PSMA2: variants seen among roughly 807,000 people sequenced by gnomAD.
PSMA2 encodes proteasome subunit alpha type-2.
Under a neutral mutation model 35.9 loss-of-function variants are expected in PSMA2, and 2 were observed. The ratio of observed to expected loss-of-function variants is 0.06; its 90% CI spans 0.02 to 0.18. The LOEUF (loss-of-function observed/expected upper bound fraction) is 0.18. Ranked by LOEUF, PSMA2 falls within the 10% of genes least tolerant of loss-of-function variation. The pLI, the probability that PSMA2 is intolerant of heterozygous loss-of-function variation, is 1.00. For synonymous variants in PSMA2, 97 were observed against 98.2 expected (o/e 0.99, Z 0.07); for missense variants, 126 against 278.8 (o/e 0.45, Z 3.90).
intron 1 of PSMA2, among the ~76,000 whole-genome samples, chr7:42,929,060 C>G (rs956301367): frequency 1.9e-4 from 29 of 152,032 alleles, no homozygotes; most frequent in Admixed American, 6.6e-5. Context: ...AATCCTCCTG[C>G]CTCGGTCTCT....
At chr7:42,922,492 A>G (rs1786141865) in intron 5 of PSMA2, among the ~76,000 whole-genome samples, 1 of 151,724 alleles carries the variant, frequency 6.6e-6, no homozygotes, top group Admixed American at 6.6e-5. Context: ...AGAGGAAAAT[A>G]GGACAAAAGA....
intron 6 of PSMA2, chr7:42,918,863 G>A (rs1052793023): frequency 7.2e-5 from 12 of 165,526 alleles, no homozygotes; most frequent in African/African-American, 1.9e-4. Context: ...TTGCTCTGTC[G>A]CCCAGGCTGG....
intron 2 of PSMA2, among the ~76,000 whole-genome samples, 195 bp from the exon 3 acceptor site, chr7:42,926,863 C>T (rs1330431510): frequency 6.6e-6 from 1 of 152,152 alleles, no homozygotes; most frequent in Non-Finnish European, 1.5e-5. Flanking sequence ...TTTAGTACTA[C>T]ACAAAAAAAT....
At chr7:42,920,135 G>A (rs1028919101) in intron 6 of PSMA2, 9 of 402,696 alleles carry the variant, frequency 2.2e-5, no homozygotes, top group Non-Finnish European at 4.1e-5. Context: ...GGACTAGAAC[G>A]AGCAAGCAGA....
At chr7:42,926,129 T>C (rs189275042) in intron 3 of PSMA2, among the ~76,000 whole-genome samples, 1 of 152,380 alleles carries the variant, frequency 6.6e-6, no homozygotes, top group Non-Finnish European at 1.5e-5. Flanking sequence ...AAGATAACTC[T>C]GGATAGTGAT....
rs936889154 is a variant in PSMA2, at chr7:42,931,490, C to T, written c.41+628G>A. Among the ~76,000 whole-genome samples the T allele has an allele frequency of 2.7e-5, 4 of 150,470 alleles. No individual in the cohort carries two copies. The South Asian group carries it at 8.5e-4, about 32-fold the overall frequency. On this transcript the variant is annotated intron_variant, in intron 1 of 7. Transcript: ENST00000223321. ...AGTAAACATCCCCCTCCCCGACGTTCCCCCCAGTCCACCAAAAAAAGACCA... is the reference window on the plus strand; with the variant it reads ...AGTAAACATCCCCCTCCCCGACGTTTCCCCCAGTCCACCAAAAAAAGACCA...
In PSMA2 at chr7:42,917,530, T is replaced by C. The variant is rs1255187902; in HGVS notation, c.*44A>G. ...AAAACATACTTTAAACATGTTTAAG[T>C]AGATAGATTATCTGAAATTCTGGAT... is the stretch of plus-strand genomic sequence containing the variant. On this transcript the variant is annotated 3_prime_UTR_variant, in exon 8 of 8. Transcript: ENST00000223321. The C allele has an allele frequency of 7.1e-7, 1 of 1,409,662 alleles. No homozygotes were observed. The highest frequency in any genetic ancestry group is 1.2e-5 in the South Asian group (1 of 85,868). 87.3% of individuals were successfully genotyped at this position (1,409,662 alleles called of 1,614,324 possible).
chr7:42,932,174 C>T lies in PSMA2; in HGVS notation c.-16G>A, dbSNP rs780037373. 5 of 1,613,990 alleles carry T rather than the reference C, an allele frequency of 3.1e-6. No individual in the cohort carries two copies. The African/African-American group carries it at 5.3e-5, about 17-fold the overall frequency. On this transcript the variant is annotated 5_prime_UTR_variant, in exon 1 of 8. Transcript: ENST00000223321. Reference sequence around the variant, plus strand: ...GCTCCGCCATCTTTACCCGAAGAGCCAAAGCACAGCCGCACACATGCGCAC... The same window carrying T: ...GCTCCGCCATCTTTACCCGAAGAGCTAAAGCACAGCCGCACACATGCGCAC...
At chr7:42,919,103 C>G (rs367881245) in intron 6 of PSMA2, 1 of 400,944 alleles carries the variant, frequency 2.5e-6, no homozygotes, top group African/African-American at 2.1e-5. Flanking sequence ...GGATTACAGG[C>G]GTGAGCCACT....
intron 4 of PSMA2, among the ~76,000 whole-genome samples, chr7:42,924,400 G>A (rs1786176985): frequency 6.9e-6 from 1 of 145,746 alleles, no homozygotes; most frequent in Non-Finnish European, 1.5e-5. Context: ...AAGTTGCAAT[G>A]ATTGTCTGTC....
In PSMA2 at chr7:42,921,865, C is replaced by G; in HGVS notation, c.523G>C (p.Glu175Gln). Reference sequence around the variant, plus strand: ...TACAATGAGTAGGCCTACCTTTTCTCAAGGAAAGTCTTCCCATTCACATAG... The same window carrying G: ...TACAATGAGTAGGCCTACCTTTTCTGAAGGAAAGTCTTCCCATTCACATAG... ...KNYVNGKTFL[E>Q]KRYNEDLELE... The change falls in exon 6 of 8, where the codon GAG becomes CAG. Residue 175 changes from glutamate (E) to glutamine (Q), a missense_variant. By Grantham distance (29) the Glu-to-Gln change is conservative (BLOSUM62 2). Coordinates refer to ENST00000223321, the MANE Select transcript of PSMA2 (RefSeq NM_002787.5). 1 of 1,612,348 alleles carries G rather than the reference C, an allele frequency of 6.2e-7. No individual in the cohort carries two copies. Among genetic ancestry groups the G allele is most frequent in the South Asian group, 1.1e-5 (1 of 90,910 alleles).
chr7:42,926,353 T>C (rs1375611889), intron 3 of PSMA2, among the ~76,000 whole-genome samples, 183 bp downstream of exon 3: 1 of 152,240 alleles, frequency 6.6e-6, no homozygotes, highest in Non-Finnish European at 1.5e-5. Context: ...AGTTATTCTC[T>C]TTAAAGTAAC....
At chr7:42,923,018 T>A (rs749380417) in intron 5 of PSMA2, among the ~76,000 whole-genome samples, 1 of 152,200 alleles carries the variant, frequency 6.6e-6, no homozygotes, top group Non-Finnish European at 1.5e-5. Context: ...GATCCACATC[T>A]TCAATTGCAG....
rs549120541 is a variant in PSMA2, at chr7:42,931,764, C to T, written c.41+354G>A. 1.8e-4 allele frequency among the ~76,000 whole-genome samples: 27 copies of T among 151,896 alleles called. No individual in the cohort carries two copies. In the South Asian group the frequency reaches 3.3e-3, roughly 19 times the overall value. On this transcript the variant is annotated intron_variant, in intron 1 of 7. Coordinates refer to ENST00000223321, the MANE Select transcript of PSMA2 (RefSeq NM_002787.5). ...ACCACCGCATCAGGTCTACTTGAGC[C>T]AGGAAAAAAATCCTGAGTTCGGAAC... is the stretch of plus-strand genomic sequence containing the variant.
At chr7:42,931,473 T>C (rs1314647147) in intron 1 of PSMA2, among the ~76,000 whole-genome samples, 1 of 151,932 alleles carries the variant, frequency 6.6e-6, no homozygotes, top group African/African-American at 2.4e-5. Context: ...AAAGTAAACA[T>C]CCCCCTCCCC....
At chr7:42,922,109 A>G (rs1195365505) in intron 5 of PSMA2, among the ~76,000 whole-genome samples, 178 bp from the exon 6 acceptor site, 3 of 152,164 alleles carry the variant, frequency 2.0e-5, no homozygotes, top group Admixed American at 6.5e-5. Context: ...AAGGATGGAA[A>G]CCAAAAAGGC....
Position 42,924,719 on chromosome 7 carries a change from C to A in PSMA2, c.330G>T (p.Leu110=). ...VYQEPIPTAQ[L]VQRVASVMQE... ...GCATCACAGAAGCTACTCTCTGTAC[C>A]AGCTGAGCTGTAGGAATGGGTTCTT... Residue 110 remains leucine, a synonymous_variant, in exon 4 of 8, where the codon CTG becomes CTT. Coordinates refer to ENST00000223321, the MANE Select transcript of PSMA2 (RefSeq NM_002787.5). 6.2e-7 allele frequency: 1 copy of A among 1,613,250 alleles called. No individual in the cohort carries two copies. Among genetic ancestry groups the A allele is most frequent in the Non-Finnish European group, 8.5e-7 (1 of 1,179,442 alleles).
chr7:42,928,180 T>C (rs950649732), intron 1 of PSMA2, among the ~76,000 whole-genome samples: 1 of 152,108 alleles, frequency 6.6e-6, no homozygotes, highest in Non-Finnish European at 1.5e-5. Flanking sequence ...TTTGTGGGGG[T>C]ACTGAAATCA....
intron 2 of PSMA2, among the ~76,000 whole-genome samples, chr7:42,927,139 T>G (rs1786228245): frequency 6.6e-6 from 1 of 152,194 alleles, no homozygotes; most frequent in Non-Finnish European, 1.5e-5. Flanking sequence ...AGAACTCAGT[T>G]TTCTGAATGA....
Sources: allele counts gnomAD v4.1 joint callset (sites outside exome capture counted in the v4.1 genomes callset), GRCh38; gene constraint gnomAD v4.1.1; transcripts MANE v1.5; gene names NCBI Gene and HGNC (gene_info 2026-07-23, HGNC 2026-07-21).